TBCK: variants seen among roughly 807,000 people sequenced by gnomAD.
TBCK encodes the protein TBC domain-containing protein kinase-like protein.
TBCK carries 99 observed loss-of-function variants against 113.4 expected under a neutral mutation model. The observed-to-expected ratio is 0.87, with a 90% CI of 0.74 to 1.03. The LOEUF is 1.03. Ranked by LOEUF, TBCK falls within the 50% of genes least tolerant of loss-of-function variation. The probability of loss-of-function intolerance (pLI) is 0.00; values close to 1 mark genes in which losing one functional copy is unlikely to be tolerated. For synonymous variants in TBCK, 369 were observed against 370.8 expected (o/e 1.00, Z 0.05); for missense variants, 1,045 against 1,061.3 (o/e 0.98, Z 0.21).
At chr4:106,207,156 T>C (rs1163419118) in intron 20 of TBCK, among the ~76,000 whole-genome samples, 2 of 152,218 alleles carry the variant, frequency 1.3e-5, no homozygotes, top group African/African-American at 2.4e-5. Flanking sequence ...TTATTCACCC[T>C]ATTTATATGT....
chr4:106,105,233 G>A (rs1367246126), intron 24 of TBCK, among the ~76,000 whole-genome samples: 1 of 152,216 alleles, frequency 6.6e-6, no homozygotes, highest in Non-Finnish European at 1.5e-5. Flanking sequence ...CTCATCACCA[G>A]ACAGGAAACT....
intron 23 of TBCK, among the ~76,000 whole-genome samples, chr4:106,121,824 A>C (rs1467732659): frequency 6.6e-6 from 1 of 152,192 alleles, no homozygotes; most frequent in Non-Finnish European, 1.5e-5. Context: ...CTTTGAAACC[A>C]ACGAGAACAA....
intron 23 of TBCK, among the ~76,000 whole-genome samples, chr4:106,144,192 A>T (rs1469084811): frequency 1.3e-5 from 2 of 152,194 alleles, no homozygotes; most frequent in Admixed American, 1.3e-4. Flanking sequence ...CTGGTGTTTG[A>T]ATTAAATTAT....
intron 25 of TBCK, among the ~76,000 whole-genome samples, chr4:106,093,718 C>T (rs528432100): frequency 6.6e-6 from 1 of 152,238 alleles, no homozygotes; most frequent in South Asian, 2.1e-4. Flanking sequence ...GAAAAAATAA[C>T]TATTGGGTAC....
intron 20 of TBCK, among the ~76,000 whole-genome samples, chr4:106,204,086 C>T (rs1755181507): frequency 1.3e-5 from 2 of 152,082 alleles, no homozygotes; most frequent in African/African-American, 4.8e-5. Flanking sequence ...CATGATCAAA[C>T]TCTAGTAATA....
chr4:106,062,539 T>C (rs557836561), intron 25 of TBCK, among the ~76,000 whole-genome samples: 1 of 152,024 alleles, frequency 6.6e-6, no homozygotes, highest in South Asian at 2.1e-4. Context: ...AAAGAATGTA[T>C]ACAATAAAAA....
intron 17 of TBCK, 38 bp from the exon 18 acceptor site, chr4:106,231,817 T>C (rs764736146): frequency 6.4e-7 from 1 of 1,554,218 alleles, no homozygotes; most frequent in South Asian, 1.1e-5. Context: ...GTCAAATAAA[T>C]ATAATCTAGT....
chr4:106,149,314 C>G (rs1313246721), intron 23 of TBCK, among the ~76,000 whole-genome samples: 1 of 152,158 alleles, frequency 6.6e-6, no homozygotes, highest in Non-Finnish European at 1.5e-5. Flanking sequence ...TCACAATTTG[C>G]CTAACTGGTA....
rs548162119 is a variant in TBCK at position 106,274,735 on chromosome 4, T to C, written c.267-12523A>G. ...ATGAAAATGTTCTAGAATTAGACAATGGTGATGGCTGTACAATCTTGTGAA... is the reference window on the plus strand; with the variant it reads ...ATGAAAATGTTCTAGAATTAGACAACGGTGATGGCTGTACAATCTTGTGAA... On this transcript the variant is annotated intron_variant, in intron 3 of 25. Coordinates refer to ENST00000394708, the MANE Select transcript of TBCK (RefSeq NM_001163435.3). Among the ~76,000 whole-genome samples, 19 of 152,264 alleles carry C rather than the reference T, an allele frequency of 1.2e-4. No individual in the cohort carries two copies. In the South Asian group the frequency reaches 2.9e-3, roughly 23 times the overall value.
intron 11 of TBCK, among the ~76,000 whole-genome samples, chr4:106,244,069 A>G (rs1760478769): frequency 6.6e-6 from 1 of 152,172 alleles, no homozygotes; most frequent in African/African-American, 2.4e-5. Context: ...AGCAATGTTA[A>G]TAACAATCTT....
chr4:106,198,779 C>T (rs1754544063), intron 20 of TBCK, among the ~76,000 whole-genome samples: 1 of 152,036 alleles, frequency 6.6e-6, no homozygotes, highest in African/African-American at 2.4e-5. Flanking sequence ...ATATGAAATG[C>T]TTTGTGCTAA....
intron 23 of TBCK, among the ~76,000 whole-genome samples, chr4:106,166,927 A>C (rs977861742): frequency 6.6e-6 from 1 of 151,136 alleles, no homozygotes; most frequent in African/African-American, 2.4e-5. Flanking sequence ...AGTATAAAAA[A>C]CGTCAAACTT....
At chr4:106,061,273 TG>T (rs2149460865) in intron 25 of TBCK, among the ~76,000 whole-genome samples, 1 of 151,752 alleles carries the variant, frequency 6.6e-6, no homozygotes, top group Non-Finnish European at 1.5e-5. Flanking sequence ...CAAACGTCAT[TG>T]TTGTCTTATG....
chr4:106,222,939 T>C (rs1757861556), intron 19 of TBCK, among the ~76,000 whole-genome samples: 1 of 152,136 alleles, frequency 6.6e-6, no homozygotes, highest in African/African-American at 2.4e-5. Flanking sequence ...AACCACTTTC[T>C]TTCCTTCTCA....
At chr4:106,187,872 G>A (rs1753204757) in intron 22 of TBCK, among the ~76,000 whole-genome samples, 1 of 152,162 alleles carries the variant, frequency 6.6e-6, no homozygotes, top group Admixed American at 6.6e-5. Context: ...GTGTACAGAA[G>A]TGCTACTGAT....
intron 19 of TBCK, among the ~76,000 whole-genome samples, 155 bp from the exon 20 acceptor site, chr4:106,212,990 T>G (rs1283235789): frequency 1.3e-5 from 2 of 152,232 alleles, no homozygotes; most frequent in African/African-American, 2.4e-5. Context: ...TTTAATTACT[T>G]ACTGCTAATT....
chr4:106,067,707 G>A (rs192673010), intron 25 of TBCK, among the ~76,000 whole-genome samples: 41 of 152,114 alleles, frequency 2.7e-4, no homozygotes, highest in Non-Finnish European at 4.6e-4. Flanking sequence ...CATTTTTTGC[G>A]TGTGGATATT....
At chr4:106,108,777 A>G (rs1446533355) in intron 24 of TBCK, among the ~76,000 whole-genome samples, 1 of 152,208 alleles carries the variant, frequency 6.6e-6, no homozygotes, top group African/African-American at 2.4e-5. Context: ...GGCAAGAGAA[A>G]GAAATAAAGC....
chr4:106,288,767 A>G (rs1289698585), intron 3 of TBCK, among the ~76,000 whole-genome samples: 1 of 152,228 alleles, frequency 6.6e-6, no homozygotes, highest in African/African-American at 2.4e-5. Context: ...GAAAATCTGC[A>G]ATCCAAAATG....
Sources: allele counts gnomAD v4.1 joint callset (sites outside exome capture counted in the v4.1 genomes callset), GRCh38; gene constraint gnomAD v4.1.1; transcripts MANE v1.5; gene names NCBI Gene and HGNC (gene_info 2026-07-23, HGNC 2026-07-21).